Variants in ATP2B3 observed in about 807,000 individuals in gnomAD.
ATP2B3 encodes ATPase plasma membrane Ca2+ transporting 3.
In ATP2B3, 12 loss-of-function variants were observed where a neutral mutation model predicts 70.8. The ratio of observed to expected loss-of-function variants is 0.17; its 90% CI spans 0.11 to 0.27. The LOEUF (loss-of-function observed/expected upper bound fraction) is 0.27. ATP2B3 is among the 10% of genes least tolerant of loss of function. The pLI is 1.00. For synonymous variants in ATP2B3, 460 were observed against 497.8 expected (o/e 0.92, Z 1.01); for missense variants, 858 against 1,118.5 (o/e 0.77, Z 3.32).
intron 3 of ATP2B3, among the ~76,000 whole-genome samples, chrX:153,539,808 C>T (rs974847104): frequency 4.4e-5 from 5 of 113,105 alleles, no homozygotes; most frequent in African/African-American, 6.4e-5. Flanking sequence ...CACATGCCTG[C>T]CCCGGTAGAA....
rs1161690946 is a variant in ATP2B3 at position 153,572,264 on chromosome X, T to G, written c.3342+7161T>G. The stretch of plus-strand genomic sequence containing the variant: ...TGCCCCAACTAGGCCTGCAGGGGCG[T>G]CGAGTCACGTGGTTTCCTAAGGCAA... On this transcript the variant is annotated intron_variant, in intron 21 of 21. Transcript: ENST00000263519. Among the ~76,000 whole-genome samples the G allele has an allele frequency of 2.7e-5, 3 of 112,686 alleles. No homozygotes were observed. In the Admixed American group the frequency reaches 2.8e-4, roughly 10 times the overall value.
At chrX:153,549,796 T>C (rs2090429208) in intron 11 of ATP2B3, 57 bp downstream of exon 11, 1 of 1,161,718 alleles carries the variant, frequency 8.6e-7, no homozygotes, top group African/African-American at 1.8e-5. Flanking sequence ...GGGAGGGTCC[T>C]GGCCAGGGTG....
In ATP2B3 at chrX:153,550,117, T is replaced by G. The variant is rs782218503; in HGVS notation, c.1654T>G (p.Leu552Val). The G allele has an allele frequency of 4.9e-6, 6 of 1,212,604 alleles. No homozygotes were observed. The highest frequency in any genetic ancestry group is 6.7e-6 in the Non-Finnish European group (6 of 895,662). ...GGAGTGCGCCCTGCTGGGCTTCGTC[T>G]TGGACCTGAAGCGGGACTTCCAGCC... ...KTECALLGFV[L>V]DLKRDFQPVR... The change falls in exon 12 of 22, where the codon TTG becomes GTG. Residue 552 changes from leucine (L) to valine (V), a missense_variant. Leu to Val is a conservative substitution (Grantham distance 32). Coordinates refer to ENST00000263519, the MANE Select transcript of ATP2B3 (RefSeq NM_001001344.3).
intron 21 of ATP2B3, among the ~76,000 whole-genome samples, chrX:153,568,500 G>A (rs948575230): frequency 4.5e-5 from 5 of 111,274 alleles, no homozygotes; most frequent in African/African-American, 9.8e-5. Context: ...CCCCCACCCC[G>A]CAAGCCACCG....
At chrX:153,537,694 C>G (rs2090214102) in intron 3 of ATP2B3, among the ~76,000 whole-genome samples, 1 of 112,284 alleles carries the variant, frequency 8.9e-6, no homozygotes. Context: ...TGGCTCTGCT[C>G]CCGAGCATCT....
At chrX:153,547,686 G>A in intron 8 of ATP2B3, 149 bp from the exon 9 acceptor site, 1 of 727,709 alleles carries the variant, frequency 1.4e-6, no homozygotes, top group Non-Finnish European at 1.9e-6. Flanking sequence ...GGCGAGAGAA[G>A]GGAAGCTGAT....
rs781981776 is a variant in ATP2B3 at position 153,559,916 on chromosome X, C to G, written c.2813C>G (p.Ala938Gly). The change falls in exon 18 of 22, where the codon GCC (alanine) becomes GGC (glycine). Residue 938 changes from alanine (A) to glycine (G), a missense_variant. Transcript: ENST00000263519. ...NILGHAVYQLAIIFTLLFVGE... is the reference protein window; with the variant it reads ...NILGHAVYQLGIIFTLLFVGE... ...CTGGGCCACGCCGTGTACCAGCTCG[C>G]CATCATCTTCACCCTGCTGTTTGTC... is the stretch of plus-strand genomic sequence containing the variant. 8.3e-6 allele frequency: 10 copies of G among 1,209,864 alleles called. No homozygotes were observed. The East Asian group carries it at 3.0e-4, about 36-fold the overall frequency.
chrX:153,558,468 G>A (rs1285640837), intron 17 of ATP2B3, among the ~76,000 whole-genome samples, 165 bp downstream of exon 17: 7 of 112,440 alleles, frequency 6.2e-5, no homozygotes, highest in Non-Finnish European at 1.1e-4. Flanking sequence ...TTCAGCACTC[G>A]AATTTGTAGG....
At chrX:153,520,880 G>C (rs782065418) in intron 2 of ATP2B3, among the ~76,000 whole-genome samples, 6 of 112,744 alleles carry the variant, frequency 5.3e-5, no homozygotes, top group African/African-American at 1.9e-4. Context: ...TTCTTGGGAA[G>C]ACCTTGCAGC....
chrX:153,539,266 A>G (rs1485370131), intron 3 of ATP2B3, among the ~76,000 whole-genome samples: 1 of 111,729 alleles, frequency 9.0e-6, no homozygotes, highest in African/African-American at 3.3e-5. Context: ...TCGTGCGTTA[A>G]CCCCAGGCTC....
At position 153,542,045 on chromosome X, in the gene ATP2B3, G is replaced by A. The variant is rs1469857628; in HGVS notation, c.664+119G>A. 2.0e-5 allele frequency: 15 copies of A among 747,334 alleles called. 1 individual carries two copies. Among genetic ancestry groups the A allele is most frequent in the African/African-American group, 4.6e-5 (1 of 21,759 alleles). 61.6% of individuals were successfully genotyped at this position (747,334 alleles called of 1,213,427 possible). ...CCCGGTGGCCTGCGTGTCGTCACCT[G>A]CCTTAGGAGGCGGGAGGTGGCGGGG... On this transcript the variant is annotated intron_variant, in intron 5 of 21. Transcript: ENST00000263519.
At position 153,556,981 on chromosome X, in the gene ATP2B3, C is replaced by T. The variant is rs150189668; in HGVS notation, c.2391C>T (p.Asn797=). Residue 797 remains asparagine, a synonymous_variant, in exon 16 of 22, where the codon AAC becomes AAT. Transcript: ENST00000263519. The part of the protein sequence containing the change: ...QVVAVTGDGT[N]DGPALKKADV... ...TGGCTGTGACAGGGGATGGCACCAACGATGGGCCGGCCCTCAAGAAGGCGG... is the reference window on the plus strand; with the variant it reads ...TGGCTGTGACAGGGGATGGCACCAATGATGGGCCGGCCCTCAAGAAGGCGG... 34 of 1,192,706 alleles carry T rather than the reference C, an allele frequency of 2.9e-5. No homozygotes were observed. Among genetic ancestry groups the T allele is most frequent in the African/African-American group, 2.8e-4 (16 of 57,094 alleles).
In ATP2B3 at chrX:153,581,720, C is replaced by T. The variant is rs1465700672; in HGVS notation, c.*1422C>T. ...AGTCCTCGGTAGACCACCTTGATGT[C>T]TGCTGTGACATCAGAGGTGCCACCA... is the stretch of plus-strand genomic sequence containing the variant. On this transcript the variant is annotated 3_prime_UTR_variant, in exon 22 of 22. Coordinates refer to ENST00000263519, the MANE Select transcript of ATP2B3 (RefSeq NM_001001344.3). The T allele has an allele frequency of 8.9e-6, 1 of 112,917 alleles. No homozygotes were observed. Among genetic ancestry groups the T allele is most frequent in the African/African-American group, 3.2e-5 (1 of 31,085 alleles). The allele number at this position is 112,917 out of a possible 1,213,427, so 9.3% of individuals were successfully genotyped here.
intron 12 of ATP2B3, among the ~76,000 whole-genome samples, chrX:153,550,718 T>TC (rs1187340468): frequency 9.0e-6 from 1 of 111,521 alleles, no homozygotes; most frequent in Non-Finnish European, 1.9e-5. Context: ...TACGTCAGTG[T>TC]CCCCCGTAGC....
intron 17 of ATP2B3, chrX:153,559,370 CAG>C: frequency 4.4e-6 from 1 of 226,423 alleles, no homozygotes; most frequent in Non-Finnish European, 8.0e-6. Flanking sequence ...AGGTCCAGTT[CAG>C]AGTTTCTGCC....
At chrX:153,529,676 C>T (rs782513726) in intron 2 of ATP2B3, among the ~76,000 whole-genome samples, 1 of 112,304 alleles carries the variant, frequency 8.9e-6, no homozygotes, top group African/African-American at 3.2e-5. Context: ...AGAACTTGTT[C>T]GTCTTCCCAA....
At chrX:153,566,065 G>A (rs782620058) in intron 21 of ATP2B3, among the ~76,000 whole-genome samples, 1 of 112,229 alleles carries the variant, frequency 8.9e-6, no homozygotes, top group Non-Finnish European at 1.9e-5. Flanking sequence ...CCCCACCTGC[G>A]GCCTGGCCCC....
intron 2 of ATP2B3, among the ~76,000 whole-genome samples, chrX:153,531,550 T>G (rs782693537): frequency 4.4e-5 from 5 of 112,902 alleles, no homozygotes; most frequent in Admixed American, 1.8e-4. Flanking sequence ...GGGCCCACGG[T>G]GGAGGGCATG....
intron 2 of ATP2B3, among the ~76,000 whole-genome samples, chrX:153,524,734 G>A (rs782211760): frequency 2.1e-4 from 23 of 111,243 alleles, no homozygotes; most frequent in African/African-American, 6.9e-4. Context: ...CTGCTGTACC[G>A]GTGATGTGCT....
Sources: allele counts gnomAD v4.1 joint callset (sites outside exome capture counted in the v4.1 genomes callset), GRCh38; gene constraint gnomAD v4.1.1; transcripts MANE v1.5; gene names NCBI Gene and HGNC (gene_info 2026-07-23, HGNC 2026-07-21).